LRRC9: variants seen among roughly 807,000 people sequenced by gnomAD.
LRRC9 encodes leucine rich repeat containing 9, also known as leucine-rich repeat-containing protein 9.
LRRC9 carries 122 observed loss-of-function variants against 63.2 expected under a neutral mutation model. The ratio of observed to expected loss-of-function variants is 1.93; its 90% CI spans 1.67 to 2.24. The LOEUF is 2.24. Ranked by LOEUF, LRRC9 falls within the 30% of genes most tolerant of loss-of-function variation. The pLI, the probability that LRRC9 is intolerant of heterozygous loss-of-function variation, is 0.00. For missense variants in LRRC9, 1,071 were observed against 627.7 expected, an observed-to-expected ratio of 1.71 and a Z score of -7.55; for synonymous variants, 366 against 213.1, an observed-to-expected ratio of 1.72 and a Z score of -6.25.
rs1888926009 is a variant in LRRC9 at position 59,923,177 on chromosome 14, C to A, written c.-34+3294C>A. On this transcript the variant is annotated intron_variant, in intron 1 of 31. Coordinates refer to ENST00000445360, the Ensembl canonical transcript of LRRC9. The surrounding 1 kb of genome is among the most constrained non-coding windows in gnomAD (Gnocchi z 4.2). ...TCCATTTGTGACTGGAGAAAACATACAAGACTTGTAAGTACCAGGAAGGCC... is the reference window on the plus strand; with the variant it reads ...TCCATTTGTGACTGGAGAAAACATAAAAGACTTGTAAGTACCAGGAAGGCC... Among the ~76,000 whole-genome samples, 1 of 152,286 alleles carries A rather than the reference C, an allele frequency of 6.6e-6. No homozygotes were observed. Among genetic ancestry groups the A allele is most frequent in the African/African-American group, 2.4e-5 (1 of 41,568 alleles).
intron 19 of LRRC9, 24 bp downstream of exon 19, chr14:59,999,250 C>A: frequency 1.4e-6 from 1 of 692,916 alleles, no homozygotes; most frequent in South Asian, 1.5e-5. Context: ...GTTTACTATT[C>A]ATTGTGCTAT....
rs535515494 is a variant in LRRC9 at position 59,938,200 on chromosome 14, T to C, written c.544-190T>C. 6.6e-6 allele frequency among the ~76,000 whole-genome samples: 1 copy of C among 152,286 alleles called. No individual in the cohort carries two copies. The highest frequency in any genetic ancestry group is 1.5e-5 in the Non-Finnish European group (1 of 68,006). ...CATAGTGGTGTAGCATGTTGTTTAATTATTGTTGATATTTTCTTCAGGAAT... is the reference window on the plus strand; with the variant it reads ...CATAGTGGTGTAGCATGTTGTTTAACTATTGTTGATATTTTCTTCAGGAAT... On this transcript the variant is annotated intron_variant, in intron 6 of 31. Transcript: ENST00000445360. This position sits in a 1 kb window ranked among gnomAD's most constrained non-coding sequence, Gnocchi z 4.2.
Position 59,936,232 on chromosome 14 carries a change from A to C in LRRC9, c.544-2158A>C, listed in dbSNP as rs1374941491. ...AAATGATGATAGCAGGATTATTATA[A>C]AAATTCATTGTGTGACATAATATTT... is the stretch of plus-strand genomic sequence containing the variant. On this transcript the variant is annotated intron_variant, in intron 6 of 31. Coordinates refer to ENST00000445360, the Ensembl canonical transcript of LRRC9. This position sits in a 1 kb window ranked among gnomAD's most constrained non-coding sequence, Gnocchi z 4.2. 1.3e-5 allele frequency among the ~76,000 whole-genome samples: 2 copies of C among 152,224 alleles called. No individual in the cohort carries two copies. The highest frequency in any genetic ancestry group is 4.8e-5 in the African/African-American group (2 of 41,462).
intron 29 of LRRC9, among the ~76,000 whole-genome samples, chr14:60,048,694 C>G (rs1448682725): frequency 6.6e-6 from 1 of 152,102 alleles, no homozygotes; most frequent in African/African-American, 2.4e-5. Context: ...AAATTTACAG[C>G]TTAATTCCAG....
At chr14:59,974,581 T>C in exon 13 of LRRC9, 1 of 645,370 alleles carries the variant, frequency 1.5e-6, no homozygotes, top group Non-Finnish European at 2.8e-6. Flanking sequence ...TGCAGCTGCC[T>C]CTCAAAAAAG....
intron 27 of LRRC9, among the ~76,000 whole-genome samples, chr14:60,024,623 G>A (rs944818003): frequency 6.6e-6 from 1 of 151,910 alleles, no homozygotes; most frequent in African/African-American, 2.4e-5. Context: ...TCAAGAACCT[G>A]GAGACCTGGC....
chr14:59,935,687 T>A (rs1278890927), intron 6 of LRRC9, among the ~76,000 whole-genome samples: 1 of 152,192 alleles, frequency 6.6e-6, no homozygotes, highest in South Asian at 2.1e-4. Flanking sequence ...GGACAAGACA[T>A]CCTTGAGGAG....
chr14:59,972,791 C>A (rs1029295027), intron 12 of LRRC9, among the ~76,000 whole-genome samples: 1 of 152,116 alleles, frequency 6.6e-6, no homozygotes, highest in African/African-American at 2.4e-5. Flanking sequence ...TACAACACAA[C>A]TGGATACAGT....
chr14:59,947,626 T>C (rs1291393184), intron 8 of LRRC9, among the ~76,000 whole-genome samples: 3 of 137,540 alleles, frequency 2.2e-5, no homozygotes, highest in Non-Finnish European at 4.7e-5. Flanking sequence ...TCTTCTAGGG[T>C]TCTTATGGTT....
In LRRC9 at chr14:59,946,918, T is replaced by C. The variant is rs1314408753; in HGVS notation, c.882+2174T>C. On this transcript the variant is annotated intron_variant, in intron 8 of 31. Coordinates refer to ENST00000445360, the Ensembl canonical transcript of LRRC9. ...ATCCAGTCTATCATTGTTGGACATTTGGGTTGGTTCCAAGTCTTTGCTATT... is the reference window on the plus strand; with the variant it reads ...ATCCAGTCTATCATTGTTGGACATTCGGGTTGGTTCCAAGTCTTTGCTATT... Among the ~76,000 whole-genome samples, 28 of 130,784 alleles carry C rather than the reference T, an allele frequency of 2.1e-4. 1 individual carries two copies. The South Asian group carries it at 7.8e-3, about 37-fold the overall frequency. The allele number at this position is 130,784 out of a possible 152,430, so 85.8% of individuals were successfully genotyped here.
intron 29 of LRRC9, among the ~76,000 whole-genome samples, chr14:60,033,187 C>T (rs1189508066): frequency 6.6e-6 from 1 of 151,972 alleles, no homozygotes; most frequent in Admixed American, 6.6e-5. Flanking sequence ...ATCTAGGAAT[C>T]TTGCTGAACC....
In LRRC9 at chr14:59,944,866, T is replaced by A. The variant is rs181561132; in HGVS notation, c.882+122T>A. 0.015 allele frequency: 5,738 copies of A among 382,910 alleles called. 224 individuals are homozygous for A. The East Asian group carries it at 0.19, about 12-fold the overall frequency. The allele number at this position is 382,910 out of a possible 1,614,324, so 23.7% of individuals were successfully genotyped here. A position where few individuals can be genotyped will look rare whatever the true frequency, so the allele number is the denominator to read the frequency against. ...ATATATAATACACACACACACACAC[T>A]CACACACACACACACACACATATGT... On this transcript the variant is annotated intron_variant, in intron 8 of 31. Coordinates refer to ENST00000445360, the Ensembl canonical transcript of LRRC9.
At chr14:59,949,391 TTCTC>T (rs1159636230) in intron 8 of LRRC9, among the ~76,000 whole-genome samples, 1 of 150,698 alleles carries the variant, frequency 6.6e-6, no homozygotes, top group Non-Finnish European at 1.5e-5. Context: ...TATTTGATTC[TTCTC>T]TCTTTTTTTC....
At chr14:60,052,808 A>G (rs1347628267) in intron 29 of LRRC9, among the ~76,000 whole-genome samples, 2 of 152,196 alleles carry the variant, frequency 1.3e-5, no homozygotes, top group Admixed American at 1.3e-4. Context: ...ATGAGTTTGG[A>G]TTGCCTGTAG....
chr14:59,922,249 T>C lies in LRRC9; in HGVS notation c.-34+2366T>C, dbSNP rs1185755570. On this transcript the variant is annotated intron_variant, in intron 1 of 31. Coordinates refer to ENST00000445360, the Ensembl canonical transcript of LRRC9. The surrounding 1 kb of genome is among the most constrained non-coding windows in gnomAD (Gnocchi z 5.3). ...TGTCAAATGCCATGTCAAGGTCAAG[T>C]TGAGAATCAAAACATGTCCGCTGTC... Among the ~76,000 whole-genome samples the C allele has an allele frequency of 6.6e-6, 1 of 152,134 alleles. No individual in the cohort carries two copies. Among genetic ancestry groups the C allele is most frequent in the Admixed American group, 6.5e-5 (1 of 15,280 alleles).
chr14:59,977,134 C>G, intron 13 of LRRC9, 91 bp from the exon 14 acceptor site: 3 of 595,640 alleles, frequency 5.0e-6, no homozygotes, highest in South Asian at 4.4e-5. Context: ...ACAGAACATA[C>G]AGTTTAGTCT....
At position 59,927,977 on chromosome 14, in the gene LRRC9, ATAAT is replaced by A. The variant is rs1889352845; in HGVS notation, c.38_41del (p.Ile13LysfsTer29). 8 of 686,090 alleles carry A rather than the reference ATAAT, an allele frequency of 1.2e-5. No homozygotes were observed. Among genetic ancestry groups the A allele is most frequent in the Non-Finnish European group, 2.1e-5 (8 of 377,888 alleles). The allele number at this position is 686,090 out of a possible 1,614,324, so 42.5% of individuals were successfully genotyped here. A position where few individuals can be genotyped will look rare whatever the true frequency, so the allele number is the denominator to read the frequency against. ...AAGTGAAAACCTAAACCAAGAAGAA[ATAAT>A]TAAAGAACTGGTGAGTCAAAGTCAA... On this transcript the variant is annotated frameshift_variant, in exon 2 of 32. Transcript: ENST00000445360. LOFTEE classifies it high-confidence loss of function. The surrounding 1 kb of genome is among the most constrained non-coding windows in gnomAD (Gnocchi z 4.4).
intron 28 of LRRC9, among the ~76,000 whole-genome samples, chr14:60,028,936 G>A (rs904985143): frequency 6.6e-6 from 1 of 152,024 alleles, no homozygotes; most frequent in African/African-American, 2.4e-5. Flanking sequence ...GCCTTTTCTG[G>A]GGGAGATTTT....
chr14:60,022,892 G>A (rs942954589), intron 27 of LRRC9, 22 bp downstream of exon 27: 3 of 537,740 alleles, frequency 5.6e-6, no homozygotes, highest in African/African-American at 2.0e-5. Flanking sequence ...CACTGTTACT[G>A]TATAAGTCTT....
Sources: allele counts gnomAD v4.1 joint callset (sites outside exome capture counted in the v4.1 genomes callset), GRCh38; gene constraint gnomAD v4.1.1; non-coding constraint Gnocchi (gnomAD v3.1); transcripts MANE v1.5; gene names NCBI Gene and HGNC (gene_info 2026-07-23, HGNC 2026-07-21).